Variants in MR1 observed in about 807,000 individuals in gnomAD.
MR1 encodes the protein major histocompatibility complex class I-related protein 1.
Under a neutral mutation model 37.8 loss-of-function variants are expected in MR1, and 44 were observed. The observed-to-expected ratio is 1.16, with a 90% CI of 0.91 to 1.50. The LOEUF is 1.50. Among genes scored for constraint, MR1 ranks in the 40% most tolerant of loss-of-function variants. The probability of loss-of-function intolerance (pLI) is 0.00; values close to 1 mark genes in which losing one functional copy is unlikely to be tolerated. For synonymous variants in MR1, 153 were observed against 155.8 expected (o/e 0.98, Z 0.13); for missense variants, 386 against 419.1 (o/e 0.92, Z 0.69).
chr1:181,041,144 G>C (rs565642529), intron 1 of MR1, among the ~76,000 whole-genome samples: 9 of 152,074 alleles, frequency 5.9e-5, no homozygotes, highest in Non-Finnish European at 1.3e-4. Context: ...TACTTGGACA[G>C]TATTGTCAAC....
intron 2 of MR1, 109 bp from the exon 3 acceptor site, chr1:181,049,902 T>G (rs1571395141): frequency 7.8e-7 from 1 of 1,284,728 alleles, no homozygotes. Flanking sequence ...GCCTGGGGGG[T>G]GACATAATGT....
At position 181,039,865 on chromosome 1, in the gene MR1, C is replaced by CAA. The variant is rs35762032; in HGVS notation, c.67+5806_67+5807dup. Among the ~76,000 whole-genome samples, 129 of 89,628 alleles carry CAA rather than the reference C, an allele frequency of 1.4e-3. 4 individuals are homozygous for CAA. Among genetic ancestry groups the CAA allele is most frequent in the East Asian group, 6.3e-3 (22 of 3,514 alleles). 58.8% of individuals were successfully genotyped at this position (89,628 alleles called of 152,430 possible). ...TGGGTGTCAGAGCGAGACTCCATCTCAAAAAAAAAAAAAAAAGAAAAAAGA... is the reference window on the plus strand; with the variant it reads ...TGGGTGTCAGAGCGAGACTCCATCTCAAAAAAAAAAAAAAAAAAGAAAAAAGA... On this transcript the variant is annotated intron_variant, in intron 1 of 5. Coordinates refer to ENST00000367580, the MANE Select transcript of MR1 (RefSeq NM_001385161.1).
intron 1 of MR1, among the ~76,000 whole-genome samples, chr1:181,043,242 A>G (rs1657663167): frequency 6.6e-6 from 1 of 152,194 alleles, no homozygotes. Flanking sequence ...TCAAAGCAAT[A>G]CAGAGGGACA....
intron 1 of MR1, among the ~76,000 whole-genome samples, chr1:181,038,905 G>A (rs1657413940): frequency 6.6e-6 from 1 of 152,166 alleles, no homozygotes; most frequent in Non-Finnish European, 1.5e-5. Context: ...CTGGGTTCAA[G>A]CGATTCTCCT....
At chr1:181,046,909 C>G (rs1315417262) in intron 1 of MR1, among the ~76,000 whole-genome samples, 4 of 152,056 alleles carry the variant, frequency 2.6e-5, no homozygotes, top group Non-Finnish European at 4.4e-5. Context: ...CCTGAGCCAG[C>G]GAGAGCACCA....
intron 3 of MR1, 136 bp from the exon 4 acceptor site, chr1:181,052,099 A>G: frequency 1.0e-6 from 1 of 968,276 alleles, no homozygotes; most frequent in Non-Finnish European, 1.5e-6. Context: ...TTGTTGATGA[A>G]CCTGAGTTCT....
chr1:181,054,159 G>A (rs974181512), intron 5 of MR1, among the ~76,000 whole-genome samples: 1 of 152,140 alleles, frequency 6.6e-6, no homozygotes, highest in Non-Finnish European at 1.5e-5. Flanking sequence ...GATACCTTCA[G>A]GGAATGGGAC....
At chr1:181,053,473 G>T in intron 4 of MR1, 100 bp from the exon 5 acceptor site, 1 of 783,276 alleles carries the variant, frequency 1.3e-6, no homozygotes. Context: ...TAAGGAAAAT[G>T]GTGTTGGGTT....
upstream of MR1, chr1:181,033,840 C>G (rs1364246015): frequency 1.8e-6 from 1 of 562,316 alleles, no homozygotes. Context: ...TAAAAGTTAC[C>G]GAAGAAGGTG....
rs778540011 is a variant in MR1, at chr1:181,049,303, A to G, written c.319A>G (p.Asn107Asp). 1 of 1,613,504 alleles carries G rather than the reference A, an allele frequency of 6.2e-7. No homozygotes were observed. The change falls in exon 2 of 6, where the codon AAT (asparagine) becomes GAT (aspartate). Residue 107 changes from asparagine (N) to aspartate (D), a missense_variant. Transcript: ENST00000367580. ...VELKRLQRHY[N>D]HSGSHTYQRM... ...ACTGAAGCGCCTACAGAGGCACTACAATCACTCAGGTGTGCATGCGGCAGA... is the reference window on the plus strand; with the variant it reads ...ACTGAAGCGCCTACAGAGGCACTACGATCACTCAGGTGTGCATGCGGCAGA...
At chr1:181,054,342 G>A (rs1658488233) in intron 5 of MR1, among the ~76,000 whole-genome samples, 1 of 152,144 alleles carries the variant, frequency 6.6e-6, no homozygotes, top group Non-Finnish European at 1.5e-5. Context: ...TTTTCATAGA[G>A]CTTACAATAG....
chr1:181,049,016 G>A (rs41268454), intron 1 of MR1, 36 bp from the exon 2 acceptor site: 10 of 1,597,904 alleles, frequency 6.3e-6, no homozygotes, highest in Non-Finnish European at 8.5e-6. Flanking sequence ...GATCATCTGG[G>A]ACCCTACATG....
intron 1 of MR1, among the ~76,000 whole-genome samples, chr1:181,043,777 C>T (rs1657699364): frequency 6.6e-6 from 1 of 151,972 alleles, no homozygotes; most frequent in South Asian, 2.1e-4. Context: ...CTCTCAGGGC[C>T]TCTTGTTTTT....
chr1:181,050,186 T>A lies in MR1; in HGVS notation c.504T>A (p.Asn168Lys). ...AHTIKQAWEA[N>K]QHELLYQKNW... is the part of the protein sequence containing the mutation. ...CCATCAAGCAGGCATGGGAGGCCAATCAGCATGAGTTGCTGTATCAAAAGA... is the reference window on the plus strand; with the variant it reads ...CCATCAAGCAGGCATGGGAGGCCAAACAGCATGAGTTGCTGTATCAAAAGA... The change falls in exon 3 of 6, where the codon AAT becomes AAA. Residue 168 changes from asparagine (N) to lysine (K), a missense_variant. By Grantham distance (94) the Asn-to-Lys change is moderately conservative. Transcript: ENST00000367580. The A allele has an allele frequency of 5.6e-6, 9 of 1,614,172 alleles. No homozygotes were observed. Among genetic ancestry groups the A allele is most frequent in the Non-Finnish European group, 7.6e-6 (9 of 1,180,032 alleles).
At position 181,044,479 on chromosome 1, in the gene MR1, A is replaced by C. The variant is rs114937409; in HGVS notation, c.68-4573A>C. On this transcript the variant is annotated intron_variant, in intron 1 of 5. Coordinates refer to ENST00000367580, the MANE Select transcript of MR1 (RefSeq NM_001385161.1). ...ACAGCTCTTAGACACAGGCAAGAGA[A>C]GCCCCTGGATATGGCCCCACATTCA... Among the ~76,000 whole-genome samples, 1,410 of 152,264 alleles carry C rather than the reference A, an allele frequency of 9.3e-3. 26 individuals are homozygous for C. The highest frequency in any genetic ancestry group is 0.032 in the African/African-American group (1,330 of 41,568).
intron 1 of MR1, among the ~76,000 whole-genome samples, chr1:181,040,387 T>A (rs1657495306): frequency 6.6e-6 from 1 of 152,230 alleles, no homozygotes; most frequent in Admixed American, 6.5e-5. Context: ...CAAATCCTGG[T>A]GGGATATAAA....
In MR1 at chr1:181,052,515, G is replaced by T; in HGVS notation, c.880+5G>T. 6.2e-7 allele frequency: 1 copy of T among 1,608,824 alleles called. No homozygotes were observed. The highest frequency in any genetic ancestry group is 1.1e-5 in the South Asian group (1 of 90,982). On this transcript the variant is annotated splice_donor_5th_base_variant and intron_variant, in intron 4 of 5. Coordinates refer to ENST00000367580, the MANE Select transcript of MR1 (RefSeq NM_001385161.1). ...TGGTTCTTCAGGTCCCCCAGGGTAA[G>T]GACGGGGATCGTGGCTGTCTAGGGA...
intron 1 of MR1, among the ~76,000 whole-genome samples, chr1:181,042,373 A>G (rs6667291): frequency 0.6 from 90,811 of 150,770 alleles, 27,742 homozygotes; most frequent in African/African-American, 0.71. Context: ...GGCTAATTTT[A>G]TATTTTTAGT....
At chr1:181,045,611 G>T (rs1416223834) in intron 1 of MR1, among the ~76,000 whole-genome samples, 1 of 152,064 alleles carries the variant, frequency 6.6e-6, no homozygotes, top group Non-Finnish European at 1.5e-5. Flanking sequence ...TTCTCTGGAA[G>T]TCTCTCCTAA....
Sources: gnomAD v4.1 joint callset for allele counts (sites outside exome capture counted in the v4.1 genomes callset) on GRCh38, gnomAD v4.1.1 for gene constraint, MANE v1.5 for transcripts, NCBI Gene and HGNC (gene_info 2026-07-23, HGNC 2026-07-21) for gene names.